Variants in TXK observed in about 807,000 individuals in gnomAD.
TXK encodes TXK tyrosine kinase.
Under a neutral mutation model 81.0 loss-of-function variants are expected in TXK, and 60 were observed. The ratio of observed to expected loss-of-function variants is 0.74; its 90% CI spans 0.60 to 0.92. The LOEUF (loss-of-function observed/expected upper bound fraction) is 0.92. Among genes scored for constraint, TXK ranks in the 40% least tolerant of loss-of-function variants. TXK has a pLI of 0.00. For synonymous variants in TXK, 203 were observed against 210.7 expected (o/e 0.96, Z 0.32); for missense variants, 581 against 638.3 (o/e 0.91, Z 0.97).
At position 48,080,032 on chromosome 4, in the gene TXK, CA is replaced by C; in HGVS notation, c.1052del (p.Leu351ArgfsTer18). The C allele has an allele frequency of 6.2e-7, 1 of 1,614,086 alleles. No individual in the cohort carries two copies. Among genetic ancestry groups the C allele is most frequent in the Non-Finnish European group, 8.5e-7 (1 of 1,179,992 alleles). ...CTTTATTCTCCCTGAGATAGTTAAG[CA>C]GGCAGCCATTTTCCATGAACTCTGT... ...IVTEFMENGC[L>X]LNYLRENKGK... On this transcript the variant is annotated frameshift_variant, in exon 11 of 15. Transcript: ENST00000264316. LOFTEE classifies it high-confidence loss of function.
intron 12 of TXK, among the ~76,000 whole-genome samples, chr4:48,075,709 C>T (rs1378511513): frequency 2.0e-5 from 3 of 152,024 alleles, no homozygotes; most frequent in Admixed American, 6.6e-5. Context: ...GTGTTAGCAG[C>T]TACCTGTTTG....
At chr4:48,130,602 A>T (rs73244487) in intron 1 of TXK, among the ~76,000 whole-genome samples, 3,596 of 152,292 alleles carry the variant, frequency 0.024, 68 homozygotes, top group Non-Finnish European at 0.033. Flanking sequence ...ACAAGAAGTG[A>T]GGTACTAGGT....
chr4:48,127,409 T>A (rs1311019170), intron 1 of TXK, among the ~76,000 whole-genome samples: 1 of 152,260 alleles, frequency 6.6e-6, no homozygotes, highest in Admixed American at 6.5e-5. Flanking sequence ...TCCACAGGCA[T>A]TCTGTGATTA....
At chr4:48,129,957 G>A (rs1719204638) in intron 1 of TXK, among the ~76,000 whole-genome samples, 1 of 152,232 alleles carries the variant, frequency 6.6e-6, no homozygotes. Context: ...AAGCCGTACT[G>A]CTCACTGACC....
chr4:48,067,428 G>A lies in TXK; in HGVS notation c.*209C>T, dbSNP rs1716648308. 3.8e-6 allele frequency: 2 copies of A among 526,544 alleles called. No homozygotes were observed. Among genetic ancestry groups the A allele is most frequent in the Non-Finnish European group, 6.7e-6 (2 of 297,682 alleles). 32.6% of individuals were successfully genotyped at this position (526,544 alleles called of 1,614,324 possible). Reference sequence around the variant, plus strand: ...TGAAATATTTTACAGAAAAATAAGAGTGTGCAAATCCCTCTCACACATAGA... The same window carrying A: ...TGAAATATTTTACAGAAAAATAAGAATGTGCAAATCCCTCTCACACATAGA... On this transcript the variant is annotated 3_prime_UTR_variant, in exon 15 of 15. Transcript: ENST00000264316.
chr4:48,084,100 G>T (rs1167615906), intron 10 of TXK, among the ~76,000 whole-genome samples: 1 of 152,100 alleles, frequency 6.6e-6, no homozygotes, highest in Admixed American at 6.6e-5. Context: ...ATTTGTGTGT[G>T]TGTGTGTATG....
intron 10 of TXK, among the ~76,000 whole-genome samples, 181 bp downstream of exon 10, chr4:48,086,285 G>A (rs1390750768): frequency 6.6e-6 from 1 of 152,174 alleles, no homozygotes; most frequent in African/African-American, 2.4e-5. Context: ...AAGACATTGA[G>A]GCTTGGAAAG....
At chr4:48,115,842 G>A (rs1718796998) in intron 1 of TXK, among the ~76,000 whole-genome samples, 1 of 151,898 alleles carries the variant, frequency 6.6e-6, no homozygotes, top group Non-Finnish European at 1.5e-5. Flanking sequence ...GTGACAGAGT[G>A]AGACTCTGTC....
chr4:48,129,099 T>C (rs535975081), intron 1 of TXK, among the ~76,000 whole-genome samples: 1 of 152,022 alleles, frequency 6.6e-6, no homozygotes, highest in Admixed American at 6.6e-5. Flanking sequence ...AATAGTAAAA[T>C]TGGGACATTG....
chr4:48,080,223 C>G (rs1436685414), intron 10 of TXK, 95 bp from the exon 11 acceptor site: 1 of 953,078 alleles, frequency 1.0e-6, no homozygotes. Context: ...ATTTATCACT[C>G]TCATTATCAA....
chr4:48,093,413 T>C (rs1213880852), intron 8 of TXK, among the ~76,000 whole-genome samples: 1 of 152,240 alleles, frequency 6.6e-6, no homozygotes, highest in African/African-American at 2.4e-5. Flanking sequence ...AGATTCCCCA[T>C]GGGCTCAGAG....
intron 11 of TXK, among the ~76,000 whole-genome samples, chr4:48,078,874 A>G (rs1717174261): frequency 6.6e-6 from 1 of 152,220 alleles, no homozygotes; most frequent in Non-Finnish European, 1.5e-5. Context: ...AATGCTTGGC[A>G]TATACTAGGC....
chr4:48,115,401 T>C (rs1425871754), intron 1 of TXK, among the ~76,000 whole-genome samples: 1 of 152,194 alleles, frequency 6.6e-6, no homozygotes, highest in African/African-American at 2.4e-5. Flanking sequence ...TATGGCTGCA[T>C]AGTATTCCAT....
At chr4:48,074,858 A>G (rs1717003464) in intron 12 of TXK, among the ~76,000 whole-genome samples, 1 of 152,292 alleles carries the variant, frequency 6.6e-6, no homozygotes, top group South Asian at 2.1e-4. Flanking sequence ...CTACTTAGGT[A>G]AAGAATGACT....
chr4:48,126,069 G>T (rs1719081778), intron 1 of TXK, among the ~76,000 whole-genome samples: 1 of 152,196 alleles, frequency 6.6e-6, no homozygotes, highest in Non-Finnish European at 1.5e-5. Flanking sequence ...AAGCCATGTT[G>T]ACCCATAAAA....
At chr4:48,084,340 C>T (rs1717424795) in intron 10 of TXK, among the ~76,000 whole-genome samples, 1 of 152,008 alleles carries the variant, frequency 6.6e-6, no homozygotes, top group Non-Finnish European at 1.5e-5. Context: ...GTGATCCTCC[C>T]ATGTTAGCCT....
chr4:48,117,137 C>T (rs1415419537), intron 1 of TXK, among the ~76,000 whole-genome samples: 1 of 152,206 alleles, frequency 6.6e-6, no homozygotes, highest in Non-Finnish European at 1.5e-5. Flanking sequence ...ATCCGCCCAA[C>T]CTGGCCTCCC....
intron 8 of TXK, among the ~76,000 whole-genome samples, chr4:48,093,860 G>A (rs1243038480): frequency 6.6e-6 from 1 of 152,190 alleles, no homozygotes; most frequent in African/African-American, 2.4e-5. Context: ...TAACCTGGTA[G>A]AAATATAAGA....
intron 6 of TXK, among the ~76,000 whole-genome samples, chr4:48,102,437 A>C (rs546553006): frequency 6.6e-6 from 1 of 152,356 alleles, no homozygotes; most frequent in East Asian, 1.9e-4. Flanking sequence ...ATGTTTGAGA[A>C]GGTATACAAT....
Sources: gnomAD v4.1 joint callset for allele counts (sites outside exome capture counted in the v4.1 genomes callset) on GRCh38, gnomAD v4.1.1 for gene constraint, MANE v1.5 for transcripts, NCBI Gene and HGNC (gene_info 2026-07-23, HGNC 2026-07-21) for gene names.